Variants in MEMO1 observed in about 807,000 individuals in gnomAD.
MEMO1 encodes the protein mediator of cell motility 1.
Under a neutral mutation model 45.2 loss-of-function variants are expected in MEMO1, and 6 were observed. The observed-to-expected ratio is 0.13, with a 90% CI of 0.07 to 0.26. The LOEUF (loss-of-function observed/expected upper bound fraction) is 0.26, where lower values mean the gene tolerates loss of function less well. Among genes scored for constraint, MEMO1 ranks in the 10% least tolerant of loss-of-function variants. The pLI, the probability that MEMO1 is intolerant of heterozygous loss-of-function variation, is 1.00. For synonymous variants in MEMO1, 78 were observed against 124.3 expected (o/e 0.63, Z 2.48); for missense variants, 184 against 370.5 (o/e 0.50, Z 4.13).
chr2:31,967,839 T>A (rs1572842763), intron 2 of MEMO1, among the ~76,000 whole-genome samples: 3 of 152,210 alleles, frequency 2.0e-5, no homozygotes, highest in Non-Finnish European at 4.4e-5. Flanking sequence ...AACACAGACA[T>A]GCATTTTTTA....
chr2:31,960,663 G>GC, intron 2 of MEMO1, among the ~76,000 whole-genome samples: 1 of 152,144 alleles, frequency 6.6e-6, no homozygotes, highest in East Asian at 1.9e-4. Flanking sequence ...TTGGCTCACT[G>GC]CAACCTCCAC....
At chr2:31,952,433 C>A (rs373491387) in intron 2 of MEMO1, among the ~76,000 whole-genome samples, 2 of 152,138 alleles carry the variant, frequency 1.3e-5, no homozygotes, top group South Asian at 4.1e-4. Context: ...ATTTTCAGAG[C>A]TAAAACCAAT....
chr2:31,973,359 CAGG>C (rs1669628087), intron 2 of MEMO1, among the ~76,000 whole-genome samples: 1 of 151,754 alleles, frequency 6.6e-6, no homozygotes, highest in African/African-American at 2.4e-5. Flanking sequence ...GAGGCTGAGG[CAGG>C]AGAATTGCTT....
intron 2 of MEMO1, among the ~76,000 whole-genome samples, chr2:32,002,942 T>C (rs1448435574): frequency 6.6e-6 from 1 of 152,176 alleles, no homozygotes; most frequent in Non-Finnish European, 1.5e-5. Flanking sequence ...TTCTGCAAGG[T>C]AAAATAATAG....
chr2:32,001,983 T>C (rs1274389330), intron 2 of MEMO1, among the ~76,000 whole-genome samples: 1 of 150,906 alleles, frequency 6.6e-6, no homozygotes, highest in Non-Finnish European at 1.5e-5. Context: ...CCGTCTCTAC[T>C]AAAATACAAA....
chr2:32,007,521 A>G (rs1674250753), intron 2 of MEMO1, among the ~76,000 whole-genome samples: 1 of 151,990 alleles, frequency 6.6e-6, no homozygotes, highest in Non-Finnish European at 1.5e-5. Flanking sequence ...GTGTGTGTAT[A>G]TATGTAATAT....
intron 2 of MEMO1, among the ~76,000 whole-genome samples, chr2:32,003,401 C>T (rs1481664738): frequency 6.6e-6 from 1 of 152,132 alleles, no homozygotes; most frequent in Non-Finnish European, 1.5e-5. Flanking sequence ...AATATAACCA[C>T]TATTTGCCAA....
chr2:31,999,853 C>T (rs1040346388), intron 2 of MEMO1, among the ~76,000 whole-genome samples: 1 of 151,320 alleles, frequency 6.6e-6, no homozygotes, highest in Admixed American at 6.6e-5. Flanking sequence ...ATGTACAATA[C>T]AAGGCTTGTT....
intron 2 of MEMO1, among the ~76,000 whole-genome samples, chr2:32,002,731 C>T (rs1376561027): frequency 6.6e-6 from 1 of 152,114 alleles, no homozygotes; most frequent in Non-Finnish European, 1.5e-5. Flanking sequence ...ATGAAATATA[C>T]TTAATGAAAG....
chr2:31,918,020 T>G lies in MEMO1; in HGVS notation c.343A>C (p.Lys115Gln), dbSNP rs1391491425. The change falls in exon 6 of 10, where the codon AAG (lysine) becomes CAG (glutamine). Residue 115 changes from lysine (K) to glutamine (Q), a missense_variant. Lys to Gln is a moderately conservative substitution (Grantham distance 53). Coordinates refer to ENST00000404530, the MANE Select transcript of MEMO1 (RefSeq NM_001301833.4). ...GACATGCGTTCAAACATTCCTGTCT[T>G]CCACAGTTCTCCGTAAACTAAAGAG... Reference protein sequence around the residue: ...IDQKIYGELWKTGMFERMSLQ... With the variant: ...IDQKIYGELWQTGMFERMSLQ... The G allele has an allele frequency of 1.2e-6, 2 of 1,610,114 alleles. No individual in the cohort carries two copies. Among genetic ancestry groups the G allele is most frequent in the Middle Eastern group, 1.8e-4 (1 of 5,558 alleles).
At chr2:31,928,843 A>C (rs1683516994) in intron 4 of MEMO1, among the ~76,000 whole-genome samples, 1 of 152,048 alleles carries the variant, frequency 6.6e-6, no homozygotes, top group African/African-American at 2.4e-5. Context: ...TTTTTTATTT[A>C]GTCAATGCAC....
At chr2:31,882,817 A>G (rs1274023166) in intron 8 of MEMO1, among the ~76,000 whole-genome samples, 1 of 152,174 alleles carries the variant, frequency 6.6e-6, no homozygotes, top group East Asian at 1.9e-4. Flanking sequence ...CAGGTTATTT[A>G]CTTCAAGTTT....
At chr2:31,948,582 G>C (rs558282947) in intron 2 of MEMO1, among the ~76,000 whole-genome samples, 1 of 152,268 alleles carries the variant, frequency 6.6e-6, no homozygotes, top group Non-Finnish European at 1.5e-5. Context: ...AGCGGTTCCT[G>C]GATCTCTGAT....
intron 7 of MEMO1, among the ~76,000 whole-genome samples, chr2:31,888,466 G>T (rs1045465314): frequency 2.0e-5 from 3 of 151,914 alleles, no homozygotes; most frequent in Non-Finnish European, 4.4e-5. Flanking sequence ...TATGAAGAAG[G>T]CCAAAACTGA....
chr2:31,882,298 C>T (rs1302500303), intron 8 of MEMO1, among the ~76,000 whole-genome samples: 2 of 151,968 alleles, frequency 1.3e-5, no homozygotes, highest in Non-Finnish European at 2.9e-5. Flanking sequence ...GCCTCAGTAA[C>T]GGAATGAGTC....
At chr2:31,925,272 T>C (rs1166423683) in intron 4 of MEMO1, among the ~76,000 whole-genome samples, 1 of 151,952 alleles carries the variant, frequency 6.6e-6, no homozygotes, top group Non-Finnish European at 1.5e-5. Flanking sequence ...GGTCAGGAGA[T>C]CGAGACCATC....
At chr2:31,870,728 C>A (rs1673587615) in intron 8 of MEMO1, among the ~76,000 whole-genome samples, 1 of 152,122 alleles carries the variant, frequency 6.6e-6, no homozygotes, top group Non-Finnish European at 1.5e-5. Context: ...AGACAACACA[C>A]CACCACACCT....
At chr2:31,881,366 G>C (rs558678970) in intron 8 of MEMO1, among the ~76,000 whole-genome samples, 2 of 151,590 alleles carry the variant, frequency 1.3e-5, no homozygotes, top group African/African-American at 4.8e-5. Flanking sequence ...GTGGTGGTAT[G>C]CATCTGTGCT....
intron 2 of MEMO1, among the ~76,000 whole-genome samples, chr2:31,962,446 T>C (rs1285811842): frequency 1.3e-5 from 2 of 152,086 alleles, no homozygotes; most frequent in African/African-American, 4.8e-5. Context: ...ACCACGTGTA[T>C]CCATTTTACT....
Sources: gnomAD v4.1 joint callset for allele counts (sites outside exome capture counted in the v4.1 genomes callset) on GRCh38, gnomAD v4.1.1 for gene constraint, MANE v1.5 for transcripts, NCBI Gene and HGNC (gene_info 2026-07-23, HGNC 2026-07-21) for gene names.